Variants in PHIP observed in about 807,000 individuals in gnomAD.
PHIP encodes PHIP subunit of CUL4-Ring ligase complex, also known as PH-interacting protein.
In PHIP, 54 loss-of-function variants were observed where a neutral mutation model predicts 236.8. The observed-to-expected ratio is 0.23, with a 90% CI of 0.18 to 0.29. The LOEUF is 0.29. PHIP is among the 10% of genes least tolerant of loss of function. The pLI is 1.00. For missense variants in PHIP, 1,370 were observed against 2,190.8 expected (o/e 0.63, Z 7.48); for synonymous variants, 756 against 718.9 (o/e 1.05, Z -0.83).
At position 78,970,826 on chromosome 6, in the gene PHIP, A is replaced by G. The variant is rs1339406959; in HGVS notation, c.2952T>C (p.Tyr984=). Residue 984 remains tyrosine (Y), a synonymous_variant, in exon 25 of 40, where the codon TAT becomes TAC. Transcript: ENST00000275034. ...YVEMARKNKI[Y]SINPKKQPWH... Reference sequence around the variant, plus strand: ...ATGGTTGTTTTTTGGGATTGATACTATATATTTTATTTTTCCGGGCCATTT... The same window carrying G: ...ATGGTTGTTTTTTGGGATTGATACTGTATATTTTATTTTTCCGGGCCATTT... 1.2e-6 allele frequency: 2 copies of G among 1,612,040 alleles called. No homozygotes were observed. The highest frequency in any genetic ancestry group is 3.3e-5 in the Admixed American group (2 of 59,814).
Position 78,972,330 on chromosome 6 carries a change from A to C in PHIP, c.2890-1442T>G, listed in dbSNP as rs372986514. Among the ~76,000 whole-genome samples, 537 of 152,312 alleles carry C rather than the reference A, an allele frequency of 3.5e-3. 30 individuals carry two copies. The East Asian group carries it at 0.084, about 24-fold the overall frequency. The stretch of plus-strand genomic sequence containing the variant: ...GCAGCTGAGGGTCCTGTCTGTTAGA[A>C]GGAAAACTAACAAACAGAAAGGACA... On this transcript the variant is annotated intron_variant, in intron 24 of 39. Coordinates refer to ENST00000275034, the MANE Select transcript of PHIP (RefSeq NM_017934.7).
chr6:78,995,351 G>A (rs933757165), intron 19 of PHIP, among the ~76,000 whole-genome samples: 5 of 152,134 alleles, frequency 3.3e-5, no homozygotes, highest in African/African-American at 4.8e-5. Context: ...GTGTGAACAT[G>A]AGTTTTCATT....
rs137855543 is a variant in PHIP, at chr6:79,071,067, C to T, written c.189+6381G>A. On this transcript the variant is annotated intron_variant, in intron 4 of 39. Transcript: ENST00000275034. ...AATTTAGTTTTAATATAAGAAGAAG[C>T]TGCATTCGACTATGTTGCCACCTAA... Among the ~76,000 whole-genome samples the T allele has an allele frequency of 6.3e-4, 96 of 152,276 alleles. 1 individual carries two copies. The South Asian group carries it at 8.1e-3, about 13-fold the overall frequency.
At chr6:79,070,949 CTG>C (rs1773854824) in intron 4 of PHIP, among the ~76,000 whole-genome samples, 1 of 152,152 alleles carries the variant, frequency 6.6e-6, no homozygotes, top group South Asian at 2.1e-4. Flanking sequence ...TGAATTCTTC[CTG>C]TGTCTCTTCT....
At chr6:78,969,502 G>A (rs1190452075) in intron 27 of PHIP, among the ~76,000 whole-genome samples, 1 of 152,096 alleles carries the variant, frequency 6.6e-6, no homozygotes, top group Non-Finnish European at 1.5e-5. Context: ...TTTAGTCCCA[G>A]TACAAACTTA....
At chr6:79,031,761 T>C (rs1331927206) in intron 7 of PHIP, among the ~76,000 whole-genome samples, 1 of 152,226 alleles carries the variant, frequency 6.6e-6, no homozygotes, top group East Asian at 1.9e-4. Flanking sequence ...ACTTTTACAG[T>C]ATGGAGGTAA....
rs1277580712 is a variant in PHIP at position 78,941,006 on chromosome 6, C to T, written c.5153G>A (p.Arg1718Lys). The change falls in exon 40 of 40, where the codon AGG (arginine) becomes AAG (lysine). Residue 1718 changes from arginine (R) to lysine (K), a missense_variant. Physicochemically the swap from Arg to Lys is conservative, Grantham distance 26. Around this residue, in one of 14 missense-constraint regions of PHIP, gnomAD observed 309 missense variants for 328.3 expected, o/e 0.94. Transcript: ENST00000275034. ...ATCTAATTTTTGTGTCTTCATCTTC[C>T]TTTTGGGCTTCCTACCTCCACGATT... is the stretch of plus-strand genomic sequence containing the variant. Reference protein sequence around the residue: ...KKNRGGRKPKRKMKTQKLDAD... With the variant: ...KKNRGGRKPKKKMKTQKLDAD... The T allele has an allele frequency of 6.2e-7, 1 of 1,613,808 alleles. No homozygotes were observed. Among genetic ancestry groups the T allele is most frequent in the Non-Finnish European group, 8.5e-7 (1 of 1,179,872 alleles).
At chr6:78,989,115 C>A (rs1769054482) in intron 20 of PHIP, among the ~76,000 whole-genome samples, 1 of 152,096 alleles carries the variant, frequency 6.6e-6, no homozygotes, top group Admixed American at 6.5e-5. Flanking sequence ...ATAAAGCTAT[C>A]TCAAAAGTGA....
intron 7 of PHIP, among the ~76,000 whole-genome samples, chr6:79,041,367 A>T (rs1772202942): frequency 6.6e-6 from 1 of 152,054 alleles, no homozygotes; most frequent in Non-Finnish European, 1.5e-5. Context: ...ATTCCAGGAG[A>T]TTATATGTCT....
At chr6:78,947,210 G>C (rs139606585) in intron 36 of PHIP, among the ~76,000 whole-genome samples, 38 of 152,244 alleles carry the variant, frequency 2.5e-4, no homozygotes, top group African/African-American at 6.7e-4. Context: ...TCTAGGACTA[G>C]CATCTATTCT....
At chr6:79,027,255 ACT>A (rs1202085349) in intron 7 of PHIP, among the ~76,000 whole-genome samples, 3 of 152,098 alleles carry the variant, frequency 2.0e-5, no homozygotes, top group African/African-American at 4.8e-5. Context: ...CTTAAATCAG[ACT>A]CTGCCAATGA....
Position 79,078,222 on chromosome 6 carries a change from G to A in PHIP, c.-154C>T, listed in dbSNP as rs1226769682. ...CAACGGCGGCGGAGGCGGAGGAGGA[G>A]GAGGAGGAAACAACAACTCTCAGGC... is the stretch of plus-strand genomic sequence containing the variant. On this transcript the variant is annotated 5_prime_UTR_variant, in exon 1 of 40. Coordinates refer to ENST00000275034, the MANE Select transcript of PHIP (RefSeq NM_017934.7). 2 of 676,196 alleles carry A rather than the reference G, an allele frequency of 3.0e-6. No individual in the cohort carries two copies. Among genetic ancestry groups the A allele is most frequent in the Non-Finnish European group, 2.5e-6 (1 of 398,306 alleles). 41.9% of individuals were successfully genotyped at this position (676,196 alleles called of 1,614,324 possible).
Position 78,941,349 on chromosome 6 carries a change from A to G in PHIP, c.4829-19T>C. The G allele has an allele frequency of 3.2e-6, 5 of 1,582,222 alleles. No homozygotes were observed. The highest frequency in any genetic ancestry group is 4.3e-6 in the Non-Finnish European group (5 of 1,164,658). On this transcript the variant is annotated intron_variant, in intron 39 of 39. Transcript: ENST00000275034. Reference sequence around the variant, plus strand: ...CAATCTCCTAAAAGGGAACAACAGTACACTTAATATATGGAGTTTCTTTTT... The same window carrying G: ...CAATCTCCTAAAAGGGAACAACAGTGCACTTAATATATGGAGTTTCTTTTT...
chr6:78,979,063 G>C (rs973349236), intron 23 of PHIP, among the ~76,000 whole-genome samples: 6 of 152,048 alleles, frequency 3.9e-5, no homozygotes, highest in African/African-American at 1.4e-4. Flanking sequence ...ACTGTGTGTA[G>C]GTCACATGCA....
chr6:78,950,971 T>C (rs1774107072), intron 35 of PHIP, among the ~76,000 whole-genome samples: 1 of 152,164 alleles, frequency 6.6e-6, no homozygotes, highest in African/African-American at 2.4e-5. Context: ...CTGTACTCTT[T>C]AGTACATTTT....
rs1356435381 is a variant in PHIP at position 78,938,967 on chromosome 6, G to A, written c.*1726C>T. The A allele has an allele frequency of 1.3e-5, 2 of 151,302 alleles. No homozygotes were observed. The highest frequency in any genetic ancestry group is 4.8e-5 in the African/African-American group (2 of 41,294). 9.4% of individuals were successfully genotyped at this position (151,302 alleles called of 1,614,324 possible). A position where few individuals can be genotyped will look rare whatever the true frequency, so the allele number is the denominator to read the frequency against. ...TGCAGACTTTATTTTTCTACATCAG[G>A]GTCATGCTGATACATATTTTCCCCA... On this transcript the variant is annotated 3_prime_UTR_variant, in exon 40 of 40. Transcript: ENST00000275034.
chr6:78,985,567 G>T, intron 21 of PHIP, 139 bp from the exon 22 acceptor site: 1 of 674,774 alleles, frequency 1.5e-6, no homozygotes, highest in Non-Finnish European at 2.7e-6. Flanking sequence ...TGCAAAGGGT[G>T]TTGTGGCTCA....
intron 20 of PHIP, among the ~76,000 whole-genome samples, chr6:78,988,847 G>A (rs1418388469): frequency 6.6e-6 from 1 of 151,732 alleles, no homozygotes; most frequent in Admixed American, 6.6e-5. Flanking sequence ...GTAAGAAAAA[G>A]GATAATGGGC....
intron 4 of PHIP, among the ~76,000 whole-genome samples, chr6:79,064,545 T>C (rs1773531356): frequency 6.6e-6 from 1 of 152,216 alleles, no homozygotes; most frequent in Non-Finnish European, 1.5e-5. Flanking sequence ...CCAATAAGCA[T>C]TTTTAAATCT....
Sources: allele counts gnomAD v4.1 joint callset (sites outside exome capture counted in the v4.1 genomes callset), GRCh38; gene constraint gnomAD v4.1.1; regional missense constraint gnomAD v4.1.1; transcripts MANE v1.5; gene names NCBI Gene and HGNC (gene_info 2026-07-23, HGNC 2026-07-21).